NKAIN3: variants seen among roughly 807,000 people sequenced by gnomAD.
NKAIN3 encodes sodium/potassium-transporting ATPase subunit beta-1-interacting protein 3.
Under a neutral mutation model 30.2 loss-of-function variants are expected in NKAIN3, and 25 were observed. The observed-to-expected ratio is 0.83, with a 90% confidence interval of 0.60 to 1.16. The LOEUF is 1.16. NKAIN3 is among the 50% of genes most tolerant of loss of function. NKAIN3 has a pLI of 0.00. For missense variants in NKAIN3, 225 were observed against 254.1 expected (o/e 0.89, Z 0.78); for synonymous variants, 91 against 89.6 (o/e 1.02, Z -0.09).
chr8:62,289,247 G>A (rs6981330), intron 1 of NKAIN3, among the ~76,000 whole-genome samples: 9,456 of 150,900 alleles, frequency 0.063, 966 homozygotes, highest in African/African-American at 0.21. Context: ...TTTAGTTTAA[G>A]TAGATCCCAT....
At chr8:62,954,033 A>G (rs1248127824) in intron 6 of NKAIN3, 61 bp downstream of exon 6, 1 of 483,660 alleles carries the variant, frequency 2.1e-6, no homozygotes, top group Non-Finnish European at 2.7e-6. Flanking sequence ...AAAACTAACC[A>G]AAAGTGAAAT....
At chr8:62,767,991 C>T (rs1381644716) in intron 4 of NKAIN3, among the ~76,000 whole-genome samples, 3 of 152,152 alleles carry the variant, frequency 2.0e-5, no homozygotes, top group Middle Eastern at 3.4e-3. Flanking sequence ...ATTAATGTGG[C>T]TACTAGACAA....
At chr8:62,707,823 T>C (rs1384881593) in intron 3 of NKAIN3, among the ~76,000 whole-genome samples, 1 of 152,208 alleles carries the variant, frequency 6.6e-6, no homozygotes, top group East Asian at 1.9e-4. Context: ...AGAAAGATTC[T>C]TCCAGTGTTA....
chr8:62,807,091 A>G (rs1180478472), intron 4 of NKAIN3, among the ~76,000 whole-genome samples: 1 of 152,172 alleles, frequency 6.6e-6, no homozygotes. Context: ...ACTTCAAAGG[A>G]TAGATTTTCT....
At chr8:62,644,774 T>C (rs1586043575) in intron 3 of NKAIN3, among the ~76,000 whole-genome samples, 1 of 152,268 alleles carries the variant, frequency 6.6e-6, no homozygotes, top group South Asian at 2.1e-4. Flanking sequence ...GGTCTTTAAT[T>C]TTCATCATCC....
chr8:62,472,927 T>C (rs1037904302), intron 1 of NKAIN3, among the ~76,000 whole-genome samples: 2 of 152,158 alleles, frequency 1.3e-5, no homozygotes, highest in African/African-American at 4.8e-5. Flanking sequence ...CTGCATGAGC[T>C]GCACCAACAC....
At chr8:62,420,045 A>G (rs973208190) in intron 1 of NKAIN3, among the ~76,000 whole-genome samples, 1 of 152,000 alleles carries the variant, frequency 6.6e-6, no homozygotes, top group Admixed American at 6.6e-5. Flanking sequence ...TCCCTTTCCT[A>G]CTATGTTTTA....
At chr8:62,605,659 G>A (rs73260908) in intron 3 of NKAIN3, among the ~76,000 whole-genome samples, 2,749 of 151,998 alleles carry the variant, frequency 0.018, 81 homozygotes, top group African/African-American at 0.062. Flanking sequence ...AAAATGTAGC[G>A]TATCTATTTA....
chr8:62,271,791 C>A (rs1426981959), intron 1 of NKAIN3, among the ~76,000 whole-genome samples: 1 of 152,154 alleles, frequency 6.6e-6, no homozygotes, highest in African/African-American at 2.4e-5. Context: ...CTTCAAAGAA[C>A]ATTCTAGAAT....
chr8:62,485,384 G>T (rs528246187), intron 1 of NKAIN3, among the ~76,000 whole-genome samples: 6 of 152,290 alleles, frequency 3.9e-5, no homozygotes, highest in South Asian at 2.1e-4. Context: ...GAGTGGAAAA[G>T]AACATTTTTA....
At chr8:62,466,855 T>A (rs1390789989) in intron 1 of NKAIN3, among the ~76,000 whole-genome samples, 1 of 152,104 alleles carries the variant, frequency 6.6e-6, no homozygotes. Flanking sequence ...CACATGTGGA[T>A]GAGAGTTAAA....
At chr8:62,653,178 G>T (rs879569569) in intron 3 of NKAIN3, among the ~76,000 whole-genome samples, 3 of 152,274 alleles carry the variant, frequency 2.0e-5, no homozygotes, top group South Asian at 4.1e-4. Flanking sequence ...TTTTCCCAAA[G>T]GTCTGGAGGC....
intron 4 of NKAIN3, among the ~76,000 whole-genome samples, chr8:62,906,334 G>T (rs185319987): frequency 6.6e-6 from 1 of 152,304 alleles, no homozygotes; most frequent in East Asian, 1.9e-4. Flanking sequence ...ACATATAGAA[G>T]CTTTCTATTC....
rs577901225 is a variant in NKAIN3 at position 62,980,156 on chromosome 8, T to C, written c.*14749T>C. The C allele has an allele frequency of 2.6e-5, 4 of 152,292 alleles. No individual in the cohort carries two copies. Among genetic ancestry groups the C allele is most frequent in the East Asian group, 3.9e-4 (2 of 5,184 alleles). The allele number at this position is 152,292 out of a possible 1,614,324, so 9.4% of individuals were successfully genotyped here. A position where few individuals can be genotyped will look rare whatever the true frequency, so the allele number is the denominator to read the frequency against. On this transcript the variant is annotated 3_prime_UTR_variant, in exon 7 of 7. Coordinates refer to ENST00000623646, the MANE Select transcript of NKAIN3 (RefSeq NM_001304533.3). Reference sequence around the variant, plus strand: ...ATGCCCTAGACAAGCCTCCTGATGATTTTTCATCAAACATGAAAATAGCTT... The same window carrying C: ...ATGCCCTAGACAAGCCTCCTGATGACTTTTCATCAAACATGAAAATAGCTT...
intron 4 of NKAIN3, among the ~76,000 whole-genome samples, chr8:62,783,822 G>T (rs1666291210): frequency 6.6e-6 from 1 of 151,754 alleles, no homozygotes; most frequent in South Asian, 2.1e-4. Flanking sequence ...CCTGTATTTT[G>T]TTTTTTGTTT....
intron 4 of NKAIN3, among the ~76,000 whole-genome samples, chr8:62,788,920 GT>G (rs1563562088): frequency 6.6e-6 from 1 of 152,154 alleles, no homozygotes; most frequent in African/African-American, 2.4e-5. Flanking sequence ...GTACCGTTCT[GT>G]TTTGGTTACT....
intron 1 of NKAIN3, among the ~76,000 whole-genome samples, chr8:62,336,652 T>A (rs1815562351): frequency 6.6e-6 from 1 of 151,976 alleles, no homozygotes; most frequent in Non-Finnish European, 1.5e-5. Flanking sequence ...TTGTCCCGGT[T>A]TTCTACTGTT....
chr8:62,770,082 A>T (rs1050296969), intron 4 of NKAIN3, among the ~76,000 whole-genome samples: 3 of 152,208 alleles, frequency 2.0e-5, no homozygotes, highest in African/African-American at 7.2e-5. Flanking sequence ...ATATGGCAAA[A>T]GTGCTAGGAT....
chr8:62,663,473 G>A (rs1813005028), intron 3 of NKAIN3, among the ~76,000 whole-genome samples: 1 of 152,212 alleles, frequency 6.6e-6, no homozygotes, highest in African/African-American at 2.4e-5. Flanking sequence ...AGTTTAATAA[G>A]CAGCTGAATA....
Sources: allele counts gnomAD v4.1 joint callset (sites outside exome capture counted in the v4.1 genomes callset), GRCh38; gene constraint gnomAD v4.1.1; transcripts MANE v1.5; gene names NCBI Gene and HGNC (gene_info 2026-07-23, HGNC 2026-07-21).